Variants in DPP10 observed in about 807,000 individuals in gnomAD.
The protein encoded by DPP10 is inactive dipeptidyl peptidase 10.
A neutral mutation model predicts 120.9 loss-of-function variants in DPP10; 33 were observed. The observed-to-expected ratio is 0.27, with a 90% confidence interval of 0.21 to 0.37. The LOEUF (loss-of-function observed/expected upper bound fraction) is 0.37, where lower values mean the gene tolerates loss of function less well. DPP10 is among the 10% of genes least tolerant of loss of function. The pLI is 1.00. For missense variants in DPP10, 816 were observed against 942.8 expected (o/e 0.87, Z 1.76); for synonymous variants, 337 against 326.1 (o/e 1.03, Z -0.36).
intron 1 of DPP10, among the ~76,000 whole-genome samples, chr2:114,865,074 G>A (rs964353912): frequency 5.3e-5 from 8 of 152,316 alleles, no homozygotes; most frequent in African/African-American, 1.9e-4. Flanking sequence ...TATTCTAATT[G>A]TAAGCAAAAG....
At chr2:115,654,250 G>A (rs1485324012) in intron 5 of DPP10, among the ~76,000 whole-genome samples, 1 of 151,716 alleles carries the variant, frequency 6.6e-6, no homozygotes, top group Non-Finnish European at 1.5e-5. Flanking sequence ...GTATACACGA[G>A]TGAAGGCAAC....
intron 1 of DPP10, among the ~76,000 whole-genome samples, chr2:114,565,289 G>A (rs535220321): frequency 6.6e-6 from 1 of 152,192 alleles, no homozygotes; most frequent in African/African-American, 2.4e-5. Flanking sequence ...GCCTGGTATA[G>A]TGCGTGACAT....
At chr2:115,241,151 T>C (rs1305563951) in intron 1 of DPP10, among the ~76,000 whole-genome samples, 1 of 152,034 alleles carries the variant, frequency 6.6e-6, no homozygotes, top group South Asian at 2.1e-4. Flanking sequence ...CACCTGTAAT[T>C]CCAGCTACTC....
intron 1 of DPP10, among the ~76,000 whole-genome samples, chr2:115,121,320 A>G (rs986893098): frequency 3.9e-5 from 6 of 152,300 alleles, no homozygotes; most frequent in Non-Finnish European, 7.3e-5. Context: ...TTCCCCCATT[A>G]CCCAACAGGA....
chr2:115,681,261 T>G (rs1191293244), intron 5 of DPP10, among the ~76,000 whole-genome samples: 1 of 151,914 alleles, frequency 6.6e-6, no homozygotes, highest in Non-Finnish European at 1.5e-5. Context: ...TAGAGTTTTT[T>G]ATGGTATATG....
At chr2:115,261,062 A>G (rs1358801316) in intron 1 of DPP10, among the ~76,000 whole-genome samples, 2 of 152,212 alleles carry the variant, frequency 1.3e-5, no homozygotes, top group Non-Finnish European at 2.9e-5. Flanking sequence ...CATAGCCAAT[A>G]AATTCAAACC....
rs139419710 is a variant in DPP10, at chr2:114,483,044, G to T, written c.60+40206G>T. Among the ~76,000 whole-genome samples the T allele has an allele frequency of 2.1e-3, 315 of 152,226 alleles. 1 individual carries two copies. Among genetic ancestry groups the T allele is most frequent in the African/African-American group, 6.9e-3 (287 of 41,552 alleles). The stretch of plus-strand genomic sequence containing the variant: ...GGTCAGTTAAACAATGTTTGGACTC[G>T]TTTTTCCATTTTCTCAAGTAGCTGT... On this transcript the variant is annotated intron_variant, in intron 1 of 25. Coordinates refer to ENST00000410059, the MANE Select transcript of DPP10 (RefSeq NM_020868.6).
chr2:115,179,856 C>T (rs1052666214), intron 1 of DPP10, among the ~76,000 whole-genome samples: 1 of 152,124 alleles, frequency 6.6e-6, no homozygotes, highest in Non-Finnish European at 1.5e-5. Context: ...GGATGACCAG[C>T]TCTACCAAGA....
At chr2:115,085,695 T>C (rs190536683) in intron 1 of DPP10, among the ~76,000 whole-genome samples, 2 of 152,298 alleles carry the variant, frequency 1.3e-5, no homozygotes, top group Admixed American at 1.3e-4. Context: ...AGTATACATA[T>C]CTCATTTAAC....
intron 1 of DPP10, among the ~76,000 whole-genome samples, chr2:114,883,859 T>C (rs1691843765): frequency 6.6e-6 from 1 of 152,192 alleles, no homozygotes. Flanking sequence ...GTTAGTTTAG[T>C]GTTCCTCACA....
At chr2:115,110,376 T>C (rs1398418787) in intron 1 of DPP10, among the ~76,000 whole-genome samples, 3 of 152,182 alleles carry the variant, frequency 2.0e-5, no homozygotes, top group Non-Finnish European at 4.4e-5. Context: ...CTTGCCTGTC[T>C]TGGAGATGAA....
intron 5 of DPP10, among the ~76,000 whole-genome samples, chr2:115,558,322 T>A (rs2080348140): frequency 1.3e-5 from 2 of 152,170 alleles, no homozygotes; most frequent in South Asian, 4.1e-4. Flanking sequence ...TTTAGAACTA[T>A]GAGAGAAGGT....
chr2:115,486,170 T>TCC (rs1288858457), intron 3 of DPP10, among the ~76,000 whole-genome samples: 3 of 152,128 alleles, frequency 2.0e-5, no homozygotes, highest in Non-Finnish European at 4.4e-5. Context: ...ATATGTCTTT[T>TCC]TCTTCTATCA....
intron 1 of DPP10, among the ~76,000 whole-genome samples, chr2:115,029,749 C>T (rs1206662698): frequency 6.6e-6 from 1 of 152,074 alleles, no homozygotes; most frequent in Non-Finnish European, 1.5e-5. Flanking sequence ...TTCTGAGATA[C>T]AATTAAAATT....
At chr2:114,768,521 A>G (rs1491003044) in intron 1 of DPP10, among the ~76,000 whole-genome samples, 1 of 152,188 alleles carries the variant, frequency 6.6e-6, no homozygotes, top group Non-Finnish European at 1.5e-5. Context: ...AATCATCTGG[A>G]TTTGAAGTTG....
At chr2:115,765,633 C>T (rs1680617081) in intron 12 of DPP10, among the ~76,000 whole-genome samples, 1 of 151,962 alleles carries the variant, frequency 6.6e-6, no homozygotes, top group Admixed American at 6.6e-5. Context: ...TCTTTTGTTT[C>T]ATGAGAATAA....
intron 1 of DPP10, among the ~76,000 whole-genome samples, chr2:114,874,461 T>A (rs937838884): frequency 3.9e-5 from 6 of 151,902 alleles, no homozygotes; most frequent in Non-Finnish European, 8.8e-5. Context: ...AAAATGAGAT[T>A]ACGGAGTAGA....
At chr2:114,493,717 A>G (rs974442894) in intron 1 of DPP10, among the ~76,000 whole-genome samples, 1 of 152,184 alleles carries the variant, frequency 6.6e-6, no homozygotes, top group African/African-American at 2.4e-5. Context: ...TTTAGTTTGA[A>G]TAAAGAATAG....
chr2:114,877,462 G>A (rs753774518), intron 1 of DPP10, among the ~76,000 whole-genome samples: 9 of 151,888 alleles, frequency 5.9e-5, no homozygotes, highest in Admixed American at 3.9e-4. Context: ...TGAGGCCTCC[G>A]GTCCTGCTTA....
Sources: gnomAD v4.1 joint callset for allele counts (sites outside exome capture counted in the v4.1 genomes callset) on GRCh38, gnomAD v4.1.1 for gene constraint, MANE v1.5 for transcripts, NCBI Gene and HGNC (gene_info 2026-07-23, HGNC 2026-07-21) for gene names.